Variants in BCL11A observed in about 807,000 individuals in gnomAD.
The protein encoded by BCL11A is BCL11 transcription factor A, also known as B cell CLL/lymphoma 11A.
In BCL11A, 2 loss-of-function variants were observed where a neutral mutation model predicts 55.9. The ratio of observed to expected loss-of-function variants is 0.04; its 90% confidence interval spans 0.01 to 0.11. BCL11A has a LOEUF of 0.11. Ranked by LOEUF, BCL11A falls within the 10% of genes least tolerant of loss-of-function variation. The pLI is 1.00. For synonymous variants in BCL11A, 465 were observed against 473.4 expected, an observed-to-expected ratio of 0.98 and a Z score of 0.23; for missense variants, 817 against 1,137.1, an observed-to-expected ratio of 0.72 and a Z score of 4.05.
In BCL11A at chr2:60,457,867, G is replaced by A; in HGVS notation, c.*2537C>T. 4 of 1,048,830 alleles carry A rather than the reference G, an allele frequency of 3.8e-6. No homozygotes were observed. The highest frequency in any genetic ancestry group is 4.6e-6 in the Non-Finnish European group (4 of 869,084). 65.0% of individuals were successfully genotyped at this position (1,048,830 alleles called of 1,614,324 possible). A position where few individuals can be genotyped will look rare whatever the true frequency, so the allele number is the denominator to read the frequency against. ...AAGGATATGTACAACCCCTATGACA[G>A]CCATCCATGTGACATTCTAGCAGGC... On this transcript the variant is annotated 3_prime_UTR_variant, in exon 4 of 4. Transcript: ENST00000642384.
intron 2 of BCL11A, among the ~76,000 whole-genome samples, chr2:60,509,307 T>A (rs1679839942): frequency 6.6e-6 from 1 of 152,214 alleles, no homozygotes; most frequent in South Asian, 2.1e-4. Context: ...AGCCCACTTC[T>A]TTCCAGAAAT....
rs563413230 is a variant in BCL11A at position 60,458,544 on chromosome 2, G to A, written c.*1860C>T. 19 of 1,037,572 alleles carry A rather than the reference G, an allele frequency of 1.8e-5. No individual in the cohort carries two copies. Among genetic ancestry groups the A allele is most frequent in the Middle Eastern group, 4.5e-4 (1 of 2,238 alleles). The allele number at this position is 1,037,572 out of a possible 1,614,324, so 64.3% of individuals were successfully genotyped here. The stretch of plus-strand genomic sequence containing the variant: ...AGTGTATTCTGTTTCCATTCACAGC[G>A]CTTGCAATGTTGCGTCCAAGTAAGT... On this transcript the variant is annotated 3_prime_UTR_variant, in exon 4 of 4. Transcript: ENST00000642384.
intron 2 of BCL11A, among the ~76,000 whole-genome samples, chr2:60,509,316 A>G (rs969119235): frequency 6.6e-6 from 1 of 152,244 alleles, no homozygotes; most frequent in Non-Finnish European, 1.5e-5. Context: ...CTTTCCAGAA[A>G]TGGGGAAAGG....
downstream of BCL11A, among the ~76,000 whole-genome samples, chr2:60,454,720 T>C (rs994223859): frequency 6.6e-6 from 1 of 152,174 alleles, no homozygotes; most frequent in Admixed American, 6.5e-5. Flanking sequence ...AGGCCCGAAA[T>C]AATCCCAGTA....
At chr2:60,511,177 G>T (rs45491193) in intron 2 of BCL11A, among the ~76,000 whole-genome samples, 1 of 152,060 alleles carries the variant, frequency 6.6e-6, no homozygotes, top group Non-Finnish European at 1.5e-5. Context: ...CTTGCTTTCA[G>T]ATTCTCCCTC....
At chr2:60,514,655 G>A (rs935335042) in intron 2 of BCL11A, among the ~76,000 whole-genome samples, 9 of 150,228 alleles carry the variant, frequency 6.0e-5, no homozygotes, top group Non-Finnish European at 1.2e-4. Context: ...GCGACAGAGC[G>A]AGACTCCATC....
At chr2:60,550,972 G>C in intron 1 of BCL11A, 1 of 396,684 alleles carries the variant, frequency 2.5e-6, no homozygotes, top group Middle Eastern at 6.3e-4. Context: ...GGGATGCGAG[G>C]GGGTGGGGAG....
chr2:60,496,096 G>A (rs1678931761), intron 2 of BCL11A, among the ~76,000 whole-genome samples: 1 of 152,244 alleles, frequency 6.6e-6, no homozygotes. Context: ...AACCGGAGGG[G>A]AGATGATTGA....
chr2:60,552,357 G>GCTCC (rs1462711865), intron 1 of BCL11A, among the ~76,000 whole-genome samples: 9 of 151,996 alleles, frequency 5.9e-5, no homozygotes, highest in Non-Finnish European at 1.2e-4. Flanking sequence ...AGCAGTCCGG[G>GCTCC]CTCCCTCCCT....
intron 3 of BCL11A, among the ~76,000 whole-genome samples, chr2:60,465,450 T>G (rs1457124653): frequency 6.6e-6 from 1 of 152,204 alleles, no homozygotes; most frequent in African/African-American, 2.4e-5. Flanking sequence ...CATAGGAACT[T>G]GAGACATCAA....
rs1482981619 is a variant in BCL11A, at chr2:60,462,285, C to T, written c.627G>A (p.Pro209=). The change falls in exon 4 of 4, where the codon CCG becomes CCA. Residue 209 remains proline (P), a synonymous_variant. Coordinates refer to ENST00000642384, the MANE Select transcript of BCL11A (RefSeq NM_022893.4). ...LESEHGSPLT[P]RVGIPSGLGA... ...CTAGTCCTGAAGGGATACCAACCCG[C>T]GGGGTCAGGGGACTTCCGTGTTCGC... The T allele has an allele frequency of 1.9e-6, 3 of 1,613,964 alleles. No homozygotes were observed. The highest frequency in any genetic ancestry group is 2.7e-5 in the African/African-American group (2 of 74,878).
In BCL11A at chr2:60,460,770, G is replaced by A; in HGVS notation, c.2142C>T (p.Ser714=). The part of the protein sequence containing the change: ...GELDGGISGR[S]GTGSGGSTPH... ...GCGTGCTCCCTCCACTTCCCGTGCCGCTGCGCCCCGAGATCCCTCCGTCCA... is the reference window on the plus strand; with the variant it reads ...GCGTGCTCCCTCCACTTCCCGTGCCACTGCGCCCCGAGATCCCTCCGTCCA... The change falls in exon 4 of 4, where the codon AGC becomes AGT. Residue 714 remains serine, a synonymous_variant. Coordinates refer to ENST00000642384, the MANE Select transcript of BCL11A (RefSeq NM_022893.4). The A allele has an allele frequency of 1.2e-6, 2 of 1,613,418 alleles. No homozygotes were observed. The highest frequency in any genetic ancestry group is 2.2e-5 in the East Asian group (1 of 44,884).
intron 2 of BCL11A, among the ~76,000 whole-genome samples, chr2:60,492,964 T>G (rs1678730571): frequency 6.6e-6 from 1 of 152,192 alleles, no homozygotes; most frequent in Non-Finnish European, 1.5e-5. Context: ...AGCCCCCTCA[T>G]GCCCCTTTGC....
chr2:60,518,626 G>A (rs765326635), intron 2 of BCL11A, among the ~76,000 whole-genome samples: 2 of 152,196 alleles, frequency 1.3e-5, no homozygotes, highest in Admixed American at 1.3e-4. Context: ...CCACACACCA[G>A]AGAGGGCATG....
chr2:60,495,701 G>C (rs1162188155), intron 2 of BCL11A: 1 of 152,218 alleles, frequency 6.6e-6, no homozygotes, highest in Non-Finnish European at 1.5e-5. Context: ...TTGAGAGTTT[G>C]GAGCTTCCCT....
chr2:60,492,938 G>A (rs1159530297), intron 2 of BCL11A, among the ~76,000 whole-genome samples: 2 of 152,126 alleles, frequency 1.3e-5, no homozygotes, highest in East Asian at 1.9e-4. Context: ...TACAGAACAC[G>A]TCCACCAGTC....
rs1676041391 is a variant in BCL11A, at chr2:60,458,323, T to A, written c.*2081A>T. 10 of 1,027,456 alleles carry A rather than the reference T, an allele frequency of 9.7e-6. No individual in the cohort carries two copies. Among genetic ancestry groups the A allele is most frequent in the Non-Finnish European group, 1.2e-5 (10 of 855,124 alleles). 63.6% of individuals were successfully genotyped at this position (1,027,456 alleles called of 1,614,324 possible). Reference sequence around the variant, plus strand: ...AGCGGTGTGTATCCAAGGCATAGAATTTCCACTACCATTTTTAAATGGATA... The same window carrying A: ...AGCGGTGTGTATCCAAGGCATAGAAATTCCACTACCATTTTTAAATGGATA... On this transcript the variant is annotated 3_prime_UTR_variant, in exon 4 of 4. Transcript: ENST00000642384.
intron 2 of BCL11A, chr2:60,537,162 T>G (rs372410482): frequency 6.1e-5 from 8 of 131,914 alleles, no homozygotes; most frequent in South Asian, 5.9e-4. Flanking sequence ...TTTTCCTTAT[T>G]GATTTTTTTC....
At position 60,497,333 on chromosome 2, in the gene BCL11A, G is replaced by A. The variant is rs1052211293; in HGVS notation, c.386-28500C>T. ...AGCATCGCCTTTAACTGCTCTGTTTGATCAAGTCAGATTTTTCAGAATATG... is the reference window on the plus strand; with the variant it reads ...AGCATCGCCTTTAACTGCTCTGTTTAATCAAGTCAGATTTTTCAGAATATG... On this transcript the variant is annotated intron_variant, in intron 2 of 3. Coordinates refer to ENST00000642384, the MANE Select transcript of BCL11A (RefSeq NM_022893.4). Among the ~76,000 whole-genome samples, 48 of 152,164 alleles carry A rather than the reference G, an allele frequency of 3.2e-4. 1 individual carries two copies. The highest frequency in any genetic ancestry group is 1.2e-3 in the African/African-American group (48 of 41,426).
Sources: allele counts gnomAD v4.1 joint callset (sites outside exome capture counted in the v4.1 genomes callset), GRCh38; gene constraint gnomAD v4.1.1; transcripts MANE v1.5; gene names NCBI Gene and HGNC (gene_info 2026-07-23, HGNC 2026-07-21).